Variants in CCDC178 observed in about 807,000 individuals in gnomAD.
The protein encoded by CCDC178 is coiled-coil domain-containing protein 178.
Under a neutral mutation model 117.4 loss-of-function variants are expected in CCDC178, and 126 were observed. The ratio of observed to expected loss-of-function variants is 1.07; its 90% CI spans 0.93 to 1.24. The LOEUF (loss-of-function observed/expected upper bound fraction) is 1.24. CCDC178 is among the 50% of genes most tolerant of loss of function. The pLI is 0.00. For missense variants in CCDC178, 1,030 were observed against 986.9 expected (o/e 1.04, Z -0.59); for synonymous variants, 283 against 313.4 (o/e 0.90, Z 1.02).
At chr18:33,092,693 T>C in intron 21 of CCDC178, 68 bp downstream of exon 21, 1 of 1,097,244 alleles carries the variant, frequency 9.1e-7, no homozygotes, top group Non-Finnish European at 1.3e-6. Flanking sequence ...CCAAACTGAC[T>C]ACTTTTTACT....
intron 20 of CCDC178, among the ~76,000 whole-genome samples, chr18:33,174,044 C>T (rs1197426620): frequency 6.6e-6 from 1 of 152,116 alleles, no homozygotes; most frequent in Non-Finnish European, 1.5e-5. Context: ...GTAATTGGCT[C>T]ACGGTTCTGC....
At chr18:33,419,803 AAGAAAAGGAAACGCTTATGCATT>A (rs2063999197) in intron 2 of CCDC178, among the ~76,000 whole-genome samples, 1 of 152,166 alleles carries the variant, frequency 6.6e-6, no homozygotes, top group Non-Finnish European at 1.5e-5. Context: ...TGAGGTTGTG[AAGAAAAGGAAACGCTTATGCATT>A]AGTTCAGCCA....
chr18:33,408,186 T>C (rs2063806505), intron 3 of CCDC178, among the ~76,000 whole-genome samples: 1 of 151,862 alleles, frequency 6.6e-6, no homozygotes, highest in Admixed American at 6.6e-5. Flanking sequence ...AAAGTATTAA[T>C]AAAATTCACA....
chr18:33,269,094 T>A (rs2059855512), intron 12 of CCDC178, among the ~76,000 whole-genome samples: 1 of 151,748 alleles, frequency 6.6e-6, no homozygotes. Context: ...GTCTGGTGGT[T>A]TTTATGGAAA....
intron 22 of CCDC178, among the ~76,000 whole-genome samples, chr18:32,966,279 T>C (rs2054811906): frequency 6.6e-6 from 1 of 151,846 alleles, no homozygotes; most frequent in Non-Finnish European, 1.5e-5. Flanking sequence ...TCTTGGATTC[T>C]TTGTTCCAGT....
At chr18:33,426,193 GC>G (rs1461089753) in intron 2 of CCDC178, among the ~76,000 whole-genome samples, 1 of 152,178 alleles carries the variant, frequency 6.6e-6, no homozygotes, top group Admixed American at 6.5e-5. Flanking sequence ...ACAGGCGTGA[GC>G]CACTGCGCCT....
chr18:33,229,628 G>A (rs1240009149), intron 15 of CCDC178, among the ~76,000 whole-genome samples: 1 of 152,132 alleles, frequency 6.6e-6, no homozygotes, highest in Non-Finnish European at 1.5e-5. Flanking sequence ...TACACAATGT[G>A]ACAGAGAGCA....
chr18:33,083,821 CATTTTA>C (rs1257015803), intron 21 of CCDC178, among the ~76,000 whole-genome samples: 1 of 152,164 alleles, frequency 6.6e-6, no homozygotes, highest in Non-Finnish European at 1.5e-5. Context: ...TATACATTTT[CATTTTA>C]AAAGATTTCT....
intron 11 of CCDC178, among the ~76,000 whole-genome samples, chr18:33,319,811 G>A (rs1168803953): frequency 1.3e-5 from 2 of 152,100 alleles, no homozygotes; most frequent in African/African-American, 4.8e-5. Flanking sequence ...ATTTTTTCAT[G>A]TGTCTGTTGG....
At chr18:33,085,554 T>C (rs995735066) in intron 21 of CCDC178, among the ~76,000 whole-genome samples, 21 of 152,014 alleles carry the variant, frequency 1.4e-4, no homozygotes, top group African/African-American at 1.9e-4. Flanking sequence ...CAGAGAGAGA[T>C]TCCGTCTCAA....
chr18:33,275,915 G>A (rs2059943906), intron 12 of CCDC178, among the ~76,000 whole-genome samples: 1 of 151,682 alleles, frequency 6.6e-6, no homozygotes, highest in African/African-American at 2.4e-5. Flanking sequence ...GAGTGCATTA[G>A]ATTCATATCT....
chr18:33,181,870 A>G (rs964132532), intron 20 of CCDC178, among the ~76,000 whole-genome samples: 8 of 151,892 alleles, frequency 5.3e-5, no homozygotes, highest in African/African-American at 1.9e-4. Context: ...ATGACATATT[A>G]AGAAAAAAAG....
At chr18:33,339,427 G>T (rs2062784579) in intron 9 of CCDC178, among the ~76,000 whole-genome samples, 1 of 151,214 alleles carries the variant, frequency 6.6e-6, no homozygotes, top group South Asian at 2.1e-4. Flanking sequence ...TACTATTACA[G>T]AAATTAATTA....
chr18:33,115,135 G>T (rs1380769412), intron 20 of CCDC178, among the ~76,000 whole-genome samples: 5 of 151,880 alleles, frequency 3.3e-5, no homozygotes, highest in African/African-American at 1.2e-4. Flanking sequence ...TTCCTTGCTT[G>T]GTTCTTTTCT....
chr18:33,143,891 A>T (rs1026887338), intron 20 of CCDC178, among the ~76,000 whole-genome samples: 8 of 152,092 alleles, frequency 5.3e-5, no homozygotes, highest in Non-Finnish European at 1.0e-4. Flanking sequence ...TAGATCTTGT[A>T]TTAGGGCTTA....
chr18:33,039,924 T>C lies in CCDC178; in HGVS notation c.2388+52837A>G, dbSNP rs183411141. On this transcript the variant is annotated intron_variant, in intron 21 of 22. Transcript: ENST00000383096. Reference sequence around the variant, plus strand: ...ATTCATCCCACAGGATCGACTACAATTGCTGACTTAATAAGACATAACAGA... The same window carrying C: ...ATTCATCCCACAGGATCGACTACAACTGCTGACTTAATAAGACATAACAGA... 2.9e-4 allele frequency among the ~76,000 whole-genome samples: 44 copies of C among 152,018 alleles called. 1 individual carries two copies. The East Asian group carries it at 7.2e-3, about 25-fold the overall frequency.
Position 33,369,608 on chromosome 18 carries a change from G to A in CCDC178, c.348+442C>T, listed in dbSNP as rs9950818. 2.6e-3 allele frequency among the ~76,000 whole-genome samples: 401 copies of A among 152,064 alleles called. 3 individuals carry two copies. Among genetic ancestry groups the A allele is most frequent in the African/African-American group, 9.0e-3 (372 of 41,524 alleles). On this transcript the variant is annotated intron_variant, in intron 6 of 22. Transcript: ENST00000383096. ...AGGCAAACTTTTAACAGGTTAAAAA[G>A]ACATAGAATCATTATATTCCTTTTC...
At chr18:33,055,992 A>G (rs1294833957) in intron 21 of CCDC178, among the ~76,000 whole-genome samples, 3 of 152,000 alleles carry the variant, frequency 2.0e-5, no homozygotes, top group African/African-American at 7.2e-5. Flanking sequence ...TAGCAGAGAC[A>G]GGGTTTCACC....
intron 11 of CCDC178, among the ~76,000 whole-genome samples, chr18:33,319,905 G>C (rs984486366): frequency 1.3e-5 from 2 of 151,924 alleles, no homozygotes; most frequent in African/African-American, 4.8e-5. Context: ...TTATAAATTT[G>C]TTTGAGTTCT....
Sources: gnomAD v4.1 joint callset for allele counts (sites outside exome capture counted in the v4.1 genomes callset) on GRCh38, gnomAD v4.1.1 for gene constraint, MANE v1.5 for transcripts, NCBI Gene and HGNC (gene_info 2026-07-23, HGNC 2026-07-21) for gene names.